The following TRPM3 variants were observed in gnomAD, a reference collection of about 807,000 sequenced individuals.
The protein encoded by TRPM3 is transient receptor potential cation channel subfamily M member 3, also known as long transient receptor potential channel 3.
A neutral mutation model predicts 181.2 loss-of-function variants in TRPM3; 77 were observed. That is an observed-to-expected ratio of 0.42 (90% CI 0.35 to 0.51). The LOEUF (loss-of-function observed/expected upper bound fraction) is 0.51, where lower values mean the gene tolerates loss of function less well. Ranked by LOEUF, TRPM3 falls within the 20% of genes least tolerant of loss-of-function variation. The pLI is 0.01. For missense variants in TRPM3, 1,759 were observed against 2,196.7 expected (o/e 0.80, Z 3.98); for synonymous variants, 745 against 796.4 (o/e 0.94, Z 1.09).
intron 1 of TRPM3, among the ~76,000 whole-genome samples, chr9:71,198,256 G>C (rs1457870057): frequency 2.6e-5 from 4 of 152,090 alleles, no homozygotes; most frequent in African/African-American, 4.8e-5. Flanking sequence ...CCAGTACCAT[G>C]CTGTTTTGGT....
chr9:71,124,965 G>A (rs2073942257), upstream of TRPM3, among the ~76,000 whole-genome samples: 1 of 152,098 alleles, frequency 6.6e-6, no homozygotes, highest in African/African-American at 2.4e-5. Flanking sequence ...AAATTCATAG[G>A]TATCTGGACA....
intron 1 of TRPM3, among the ~76,000 whole-genome samples, chr9:70,935,383 G>A (rs922706928): frequency 1.3e-5 from 2 of 152,180 alleles, no homozygotes; most frequent in Admixed American, 1.3e-4. Context: ...CATGGCATTT[G>A]ATGAATGCTG....
chr9:71,418,926 GTGTA>G (rs1463878013), intron 1 of TRPM3, among the ~76,000 whole-genome samples: 57 of 140,904 alleles, frequency 4.0e-4, no homozygotes, highest in Admixed American at 6.5e-4. Flanking sequence ...ATGTGTGTGT[GTGTA>G]TATATATATA....
intron 1 of TRPM3, among the ~76,000 whole-genome samples, chr9:71,132,818 T>C (rs1342295755): frequency 1.3e-5 from 2 of 152,194 alleles, no homozygotes; most frequent in African/African-American, 4.8e-5. Context: ...CATGAATTGA[T>C]GTCCATATTA....
chr9:71,254,208 G>C (rs1194663950), intron 1 of TRPM3, among the ~76,000 whole-genome samples: 1 of 152,154 alleles, frequency 6.6e-6, no homozygotes, highest in East Asian at 1.9e-4. Context: ...AAGAGCCACT[G>C]CGCCTGGCTG....
In TRPM3 at chr9:70,984,330, A is replaced by G. The variant is rs559193063; in HGVS notation, c.178-119819T>C. Among the ~76,000 whole-genome samples the G allele has an allele frequency of 4.6e-5, 7 of 152,300 alleles. No homozygotes were observed. The East Asian group carries it at 1.4e-3, about 29-fold the overall frequency. Reference sequence around the variant, plus strand: ...ATAGCCTGAAATTTAAATTAACAGAAGTTCTATAATTTGAAGGCTGGCAGT... The same window carrying G: ...ATAGCCTGAAATTTAAATTAACAGAGGTTCTATAATTTGAAGGCTGGCAGT... On this transcript the variant is annotated intron_variant, in intron 1 of 25. Coordinates refer to ENST00000677713, the MANE Select transcript of TRPM3 (RefSeq NM_001366145.2).
In TRPM3 at chr9:71,422,452, G is replaced by C. The variant is rs567452651; in HGVS notation, c.183+24201C>G. Among the ~76,000 whole-genome samples, 8 of 152,146 alleles carry C rather than the reference G, an allele frequency of 5.3e-5. No individual in the cohort carries two copies. The South Asian group carries it at 8.3e-4, about 16-fold the overall frequency. Reference sequence around the variant, plus strand: ...CCCCTCGATCTTTATTCATTACTGAGTTAGGCCTAGTGGCAAAGAGTGATG... The same window carrying C: ...CCCCTCGATCTTTATTCATTACTGACTTAGGCCTAGTGGCAAAGAGTGATG... On this transcript the variant is annotated intron_variant, in intron 1 of 24. Transcript: ENST00000357533.
rs561208653 is a variant in TRPM3 at position 70,926,009 on chromosome 9, A to C, written c.178-61498T>G. ...TGGCTTGGGAAAACAAAAAAAAAAA[A>C]AACAAACAAAAGCCACCTTTAAAAT... On this transcript the variant is annotated intron_variant, in intron 1 of 25. Coordinates refer to ENST00000677713, the MANE Select transcript of TRPM3 (RefSeq NM_001366145.2). 2.3e-4 allele frequency among the ~76,000 whole-genome samples: 35 copies of C among 151,924 alleles called. No individual in the cohort carries two copies. In the South Asian group the frequency reaches 7.1e-3, roughly 31 times the overall value.
chr9:71,443,089 C>T (rs1302461244), intron 1 of TRPM3, among the ~76,000 whole-genome samples: 1 of 152,114 alleles, frequency 6.6e-6, no homozygotes, highest in Non-Finnish European at 1.5e-5. Context: ...AACATCTTTA[C>T]ATTTACTAAA....
intron 24 of TRPM3, among the ~76,000 whole-genome samples, chr9:70,552,003 C>G (rs948296515): frequency 5.9e-5 from 9 of 152,144 alleles, no homozygotes; most frequent in African/African-American, 2.2e-4. Flanking sequence ...GGTTTCAAAC[C>G]TTAGATATAC....
intron 1 of TRPM3, among the ~76,000 whole-genome samples, chr9:71,135,806 A>G (rs1401814953): frequency 6.6e-6 from 1 of 152,220 alleles, no homozygotes; most frequent in African/African-American, 2.4e-5. Flanking sequence ...AGCAAATTAC[A>G]GATCTGCTTC....
At chr9:71,366,760 T>A (rs1358941174) in intron 1 of TRPM3, among the ~76,000 whole-genome samples, 1 of 152,174 alleles carries the variant, frequency 6.6e-6, no homozygotes, top group Non-Finnish European at 1.5e-5. Flanking sequence ...GTAATTTCAA[T>A]GCAGATTACT....
At chr9:71,177,241 A>C (rs1212936806) in intron 1 of TRPM3, among the ~76,000 whole-genome samples, 1 of 152,070 alleles carries the variant, frequency 6.6e-6, no homozygotes, top group African/African-American at 2.4e-5. Context: ...CAGGGCTCCT[A>C]CTGATTCTAC....
At chr9:70,616,713 C>G (rs1485712126) in intron 17 of TRPM3, among the ~76,000 whole-genome samples, 1 of 152,064 alleles carries the variant, frequency 6.6e-6, no homozygotes, top group Non-Finnish European at 1.5e-5. Context: ...ACACACACCC[C>G]CCAGTGGGCT....
At chr9:70,885,094 C>T (rs560434508) in intron 1 of TRPM3, among the ~76,000 whole-genome samples, 1 of 152,310 alleles carries the variant, frequency 6.6e-6, no homozygotes, top group South Asian at 2.1e-4. Flanking sequence ...CTCACTCCAA[C>T]TCTAACTGCA....
intron 1 of TRPM3, among the ~76,000 whole-genome samples, chr9:71,317,801 G>A (rs933201794): frequency 1.3e-5 from 2 of 151,994 alleles, no homozygotes; most frequent in Non-Finnish European, 2.9e-5. Flanking sequence ...AAATACTTTT[G>A]TATTTATAAG....
rs201150825 is a variant in TRPM3 at position 70,904,719 on chromosome 9, T to TG, written c.178-40209_178-40208insC. On this transcript the variant is annotated intron_variant, in intron 1 of 25. Transcript: ENST00000677713. The stretch of plus-strand genomic sequence containing the variant: ...AGACAGTAATCACTGAGAATATATA[T>TG]TTTTCAGAGGTGTTGAAGTTTTGCT... Among the ~76,000 whole-genome samples the TG allele has an allele frequency of 1.1e-3, 169 of 152,276 alleles. 3 individuals carry two copies. In the East Asian group the frequency reaches 0.03, roughly 27 times the overall value.
chr9:70,958,309 T>C (rs961446182), intron 1 of TRPM3, among the ~76,000 whole-genome samples: 1 of 150,414 alleles, frequency 6.6e-6, no homozygotes. Context: ...ATGATAATAA[T>C]GATTATAATA....
intron 1 of TRPM3, among the ~76,000 whole-genome samples, chr9:70,995,951 T>G (rs1672969067): frequency 1.3e-5 from 2 of 152,198 alleles, no homozygotes; most frequent in African/African-American, 4.8e-5. Context: ...AGCCTTAGGC[T>G]TTATGTGTCT....
Sources: allele counts gnomAD v4.1 joint callset (sites outside exome capture counted in the v4.1 genomes callset), GRCh38; gene constraint gnomAD v4.1.1; transcripts MANE v1.5; gene names NCBI Gene and HGNC (gene_info 2026-07-23, HGNC 2026-07-21).